ARAP1: variants seen among roughly 807,000 people sequenced by gnomAD.
ARAP1 encodes ArfGAP with RhoGAP domain, ankyrin repeat and PH domain 1.
In ARAP1, 76 loss-of-function variants were observed where a neutral mutation model predicts 172.2. The ratio of observed to expected loss-of-function variants is 0.44; its 90% CI spans 0.37 to 0.53. The LOEUF is 0.53. ARAP1 is among the 20% of genes least tolerant of loss of function. The probability of loss-of-function intolerance (pLI) is 0.00; values close to 1 mark genes in which losing one functional copy is unlikely to be tolerated. For synonymous variants in ARAP1, 804 were observed against 803.3 expected, an observed-to-expected ratio of 1.00 and a Z score of -0.01; for missense variants, 1,686 against 1,977.5, an observed-to-expected ratio of 0.85 and a Z score of 2.80.
At chr11:72,686,613 T>C (rs1276314143) in intron 33 of ARAP1, among the ~76,000 whole-genome samples, 1 of 152,164 alleles carries the variant, frequency 6.6e-6, no homozygotes, top group Non-Finnish European at 1.5e-5. Context: ...TAAACACATA[T>C]GAGCTCTCAC....
intron 2 of ARAP1, among the ~76,000 whole-genome samples, chr11:72,729,171 G>C (rs926357975): frequency 7.9e-5 from 12 of 152,204 alleles, no homozygotes; most frequent in African/African-American, 2.7e-4. Flanking sequence ...TCTCAAACTT[G>C]TGGGGAAACA....
chr11:72,703,115 A>G, intron 14 of ARAP1, 36 bp from the exon 15 acceptor site: 1 of 1,497,760 alleles, frequency 6.7e-7, no homozygotes, highest in Non-Finnish European at 8.9e-7. Flanking sequence ...CCCAAGAAGG[A>G]GTAGGGGGCC....
intron 3 of ARAP1, among the ~76,000 whole-genome samples, chr11:72,719,103 T>G (rs964757651): frequency 2.0e-5 from 3 of 152,034 alleles, no homozygotes; most frequent in Non-Finnish European, 2.9e-5. Flanking sequence ...CCACAGCTGG[T>G]ATTTGAACCC....
In ARAP1 at chr11:72,697,193, G is replaced by C; in HGVS notation, c.2956C>G (p.Leu986Val). ...TTGCGGTAGATGCCCTCGGAGGTCA[G>C]GCCTAGGGAGGGGCGGGGCCAAGCG... ...RCVDYITQCG[L>V]TSEGIYRKCG... is the part of the protein sequence containing the mutation. Residue 986 changes from leucine (L) to valine (V), a missense_variant and splice_region_variant, in exon 22 of 35, where the codon CTG (leucine) becomes GTG (valine). By Grantham distance (32) the Leu-to-Val change is conservative (BLOSUM62 1). Coordinates refer to ENST00000393609, the MANE Select transcript of ARAP1 (RefSeq NM_001040118.3). 6.2e-7 allele frequency: 1 copy of C among 1,600,976 alleles called. No homozygotes were observed. The highest frequency in any genetic ancestry group is 8.5e-7 in the Non-Finnish European group (1 of 1,178,578).
intron 1 of ARAP1, among the ~76,000 whole-genome samples, chr11:72,740,961 A>T (rs1374971893): frequency 1.3e-5 from 2 of 152,138 alleles, no homozygotes; most frequent in Non-Finnish European, 2.9e-5. Flanking sequence ...GAGGTGTGGG[A>T]TGACTCAGGA....
At chr11:72,722,479 C>T (rs1857557970) in intron 3 of ARAP1, 3 of 485,298 alleles carry the variant, frequency 6.2e-6, no homozygotes, top group South Asian at 1.7e-4. Flanking sequence ...GGTGGATGCC[C>T]AGGAAGTCCT....
At chr11:72,717,479 G>A (rs1001507613) in intron 3 of ARAP1, among the ~76,000 whole-genome samples, 3 of 152,280 alleles carry the variant, frequency 2.0e-5, no homozygotes, top group South Asian at 2.1e-4. Flanking sequence ...CTGCTCGTCC[G>A]CATCCCTGGG....
chr11:72,727,338 A>G (rs1857724511), intron 2 of ARAP1, among the ~76,000 whole-genome samples, 166 bp from the exon 3 acceptor site: 1 of 152,156 alleles, frequency 6.6e-6, no homozygotes, highest in South Asian at 2.1e-4. Flanking sequence ...AGGTCTCTGA[A>G]CACACAGGCT....
Position 72,742,602 on chromosome 11 carries a change from G to A in ARAP1, c.-128+9726C>T, listed in dbSNP as rs538276315. Among the ~76,000 whole-genome samples, 71 of 152,248 alleles carry A rather than the reference G, an allele frequency of 4.7e-4. 1 individual carries two copies. Among genetic ancestry groups the A allele is most frequent in the African/African-American group, 1.6e-3 (66 of 41,544 alleles). On this transcript the variant is annotated intron_variant, in intron 1 of 34. Coordinates refer to ENST00000393609, the MANE Select transcript of ARAP1 (RefSeq NM_001040118.3). ...GCCTTGAAGGCCATGCTAAGACCCC[G>A]ATCCTTACTGTCCAGACAACAGGAA...
intron 2 of ARAP1, among the ~76,000 whole-genome samples, chr11:72,728,553 C>T (rs1229628276): frequency 6.6e-6 from 1 of 152,126 alleles, no homozygotes; most frequent in East Asian, 1.9e-4. Flanking sequence ...TGCACCCCAG[C>T]CTGGGCAACA....
At chr11:72,739,053 C>G (rs953281105) in intron 1 of ARAP1, among the ~76,000 whole-genome samples, 2 of 152,176 alleles carry the variant, frequency 1.3e-5, no homozygotes, top group African/African-American at 4.8e-5. Context: ...ATATGAGGAA[C>G]TAGTGGGGGC....
rs376884133 is a variant in ARAP1 at position 72,714,219 on chromosome 11, C to T, written c.612G>A (p.Gln204=). 2.0e-6 allele frequency: 3 copies of T among 1,519,990 alleles called. No homozygotes were observed. Among genetic ancestry groups the T allele is most frequent in the Non-Finnish European group, 2.6e-6 (3 of 1,138,234 alleles). The allele number at this position is 1,519,990 out of a possible 1,614,324, so 94.2% of individuals were successfully genotyped here. Residue 204 remains glutamine, a synonymous_variant, in exon 4 of 35, where the codon CAG becomes CAA. Transcript: ENST00000393609. ...GGGGGCAGGGAGGTGGAGAGGGAGG[C>T]TGGGGAGGCCCCTGGGGGAGGGTGG... ...PLSTLPQGPP[Q]PPSPPPCPPE...
At chr11:72,694,725 T>C (rs184766829) in intron 27 of ARAP1, among the ~76,000 whole-genome samples, 8 of 152,190 alleles carry the variant, frequency 5.3e-5, no homozygotes, top group Middle Eastern at 3.4e-3. Context: ...CAAGACCACC[T>C]TTACCATAAA....
intron 3 of ARAP1, among the ~76,000 whole-genome samples, chr11:72,714,674 A>C (rs528568862): frequency 6.6e-6 from 1 of 152,216 alleles, no homozygotes; most frequent in East Asian, 1.9e-4. Flanking sequence ...GCTTGACCTG[A>C]GCTTTTAAGG....
chr11:72,732,239 C>T (rs973472530), intron 2 of ARAP1, among the ~76,000 whole-genome samples: 1 of 152,102 alleles, frequency 6.6e-6, no homozygotes, highest in Non-Finnish European at 1.5e-5. Context: ...GAGGGGAATC[C>T]AGTGAGGAGA....
In ARAP1 at chr11:72,704,263, C is replaced by T. The variant is rs1856652750; in HGVS notation, c.1881G>A (p.Leu627=). 4 of 1,613,142 alleles carry T rather than the reference C, an allele frequency of 2.5e-6. No individual in the cohort carries two copies. The highest frequency in any genetic ancestry group is 3.4e-6 in the Non-Finnish European group (4 of 1,179,618). Reference sequence around the variant, plus strand: ...GGGTGCTGGGGCTGCTGCTGGGCTGCAGGGCCTCACTGGGGGGCACGTTGG... The same window carrying T: ...GGGTGCTGGGGCTGCTGCTGGGCTGTAGGGCCTCACTGGGGGGCACGTTGG... ...WAANVPPSEA[L]QPSSSPSTRR... is the part of the protein sequence containing the mutation. The change falls in exon 14 of 35, where the codon CTG becomes CTA. Residue 627 remains leucine, a synonymous_variant. Coordinates refer to ENST00000393609, the MANE Select transcript of ARAP1 (RefSeq NM_001040118.3).
intron 15 of ARAP1, 79 bp downstream of exon 15, chr11:72,702,826 C>T (rs762818540): frequency 3.3e-5 from 49 of 1,497,874 alleles, no homozygotes; most frequent in African/African-American, 7.0e-5. Context: ...GCTGCGATCA[C>T]GGCCTGAGAG....
At chr11:72,698,486 C>T (rs1410762559) in intron 18 of ARAP1, among the ~76,000 whole-genome samples, 1 of 152,242 alleles carries the variant, frequency 6.6e-6, no homozygotes, top group African/African-American at 2.4e-5. Flanking sequence ...CCTGGTTCAT[C>T]TGGGTCCCAG....
chr11:72,715,050 G>C (rs576844195), intron 3 of ARAP1, among the ~76,000 whole-genome samples: 1 of 152,220 alleles, frequency 6.6e-6, no homozygotes, highest in Admixed American at 6.5e-5. Context: ...ATTGCTTCTG[G>C]CAGGCTGTCT....
Sources: allele counts gnomAD v4.1 joint callset (sites outside exome capture counted in the v4.1 genomes callset), GRCh38; gene constraint gnomAD v4.1.1; transcripts MANE v1.5; gene names NCBI Gene and HGNC (gene_info 2026-07-23, HGNC 2026-07-21).